COLEC10: variants seen among roughly 807,000 people sequenced by gnomAD.
COLEC10 encodes the protein collectin subfamily member 10, also known as collectin-10.
In COLEC10, 22 loss-of-function variants were observed where a neutral mutation model predicts 28.4. The observed-to-expected ratio is 0.78, with a 90% confidence interval of 0.55 to 1.11. COLEC10 has a LOEUF of 1.11. COLEC10 is among the 50% of genes least tolerant of loss of function. The probability of loss-of-function intolerance (pLI) is 0.00; values close to 1 mark genes in which losing one functional copy is unlikely to be tolerated. For synonymous variants in COLEC10, 125 were observed against 116.1 expected (o/e 1.08, Z -0.49); for missense variants, 361 against 344.1 (o/e 1.05, Z -0.39).
chr8:118,987,698 T>A, the COLEC10 span, among the ~76,000 whole-genome samples: 1 of 152,296 alleles, frequency 6.6e-6, no homozygotes, highest in South Asian at 2.1e-4. Flanking sequence ...ACCACTATCA[T>A]TCATGTGAAT....
intron 2 of COLEC10, among the ~76,000 whole-genome samples, chr8:119,038,222 C>T (rs777600116): frequency 6.6e-6 from 1 of 152,202 alleles, no homozygotes; most frequent in Non-Finnish European, 1.5e-5. Flanking sequence ...CCGTTTCTAG[C>T]ATGATAACCT....
chr8:118,968,433 C>T, the COLEC10 span, among the ~76,000 whole-genome samples: 1 of 151,866 alleles, frequency 6.6e-6, no homozygotes, highest in Non-Finnish European at 1.5e-5. Context: ...CTCTGATTTG[C>T]CATAGAACTC....
At chr8:118,968,700 T>G in the COLEC10 span, among the ~76,000 whole-genome samples, 3 of 151,922 alleles carry the variant, frequency 2.0e-5, no homozygotes, top group Non-Finnish European at 4.4e-5. Context: ...GGTATACATG[T>G]GCCATGGTGG....
the COLEC10 span, among the ~76,000 whole-genome samples, chr8:118,958,923 G>A: frequency 6.6e-6 from 1 of 152,168 alleles, no homozygotes; most frequent in Non-Finnish European, 1.5e-5. Context: ...CAACAGCTCA[G>A]ATCTCAAGGC....
the COLEC10 span, among the ~76,000 whole-genome samples, chr8:118,972,218 G>A: frequency 4.6e-5 from 7 of 151,956 alleles, no homozygotes; most frequent in Admixed American, 1.3e-4. Context: ...TCATTTATTC[G>A]TGTAACTTCA....
chr8:118,999,094 T>A (rs1460604508), intron 1 of COLEC10, among the ~76,000 whole-genome samples: 1 of 152,150 alleles, frequency 6.6e-6, no homozygotes, highest in East Asian at 1.9e-4. Context: ...CAGTATGAGA[T>A]ATGCAAGGTA....
Position 119,089,757 on chromosome 8 carries a change from TA to T in COLEC10, c.220+10del. The T allele has an allele frequency of 6.2e-7, 1 of 1,609,682 alleles. No homozygotes were observed. Among genetic ancestry groups the T allele is most frequent in the Non-Finnish European group, 8.5e-7 (1 of 1,176,178 alleles). On this transcript the variant is annotated splice_region_variant and intron_variant, in intron 2 of 5. Transcript: ENST00000332843. ...GGGACGCATGGGGCCGAAAGGTAAC[TA>T]AAATGATGTGAAACTGACATTTTAA... is the stretch of plus-strand genomic sequence containing the variant.
the COLEC10 span, among the ~76,000 whole-genome samples, chr8:118,959,117 TGTG>T: frequency 6.6e-6 from 1 of 152,138 alleles, no homozygotes; most frequent in Non-Finnish European, 1.5e-5. Flanking sequence ...GGTTGTTAGA[TGTG>T]GGGAGATGAA....
intron 1 of COLEC10, among the ~76,000 whole-genome samples, chr8:119,076,937 G>C (rs777459458): frequency 2.0e-5 from 3 of 152,186 alleles, no homozygotes; most frequent in Admixed American, 6.5e-5. Flanking sequence ...AGCTCCCAAA[G>C]AAATGTGCGT....
intron 1 of COLEC10, chr8:119,009,387 C>G (rs80325566): frequency 0.045 from 6,803 of 150,458 alleles, 419 homozygotes; most frequent in East Asian, 0.16. Context: ...TTTCACCTCC[C>G]CATGAGAGCT....
chr8:119,024,320 GAAA>G (rs201909949), intron 2 of COLEC10, among the ~76,000 whole-genome samples: 1 of 151,942 alleles, frequency 6.6e-6, no homozygotes, highest in Non-Finnish European at 1.5e-5. Context: ...AATAAAATAG[GAAA>G]AAAACGTACT....
intron 3 of COLEC10, among the ~76,000 whole-genome samples, chr8:119,093,356 G>A (rs1815649666): frequency 6.6e-6 from 1 of 152,198 alleles, no homozygotes; most frequent in African/African-American, 2.4e-5. Context: ...GGGATGAAGG[G>A]CAGTGCCACT....
At chr8:119,094,641 G>A (rs1815674660) in intron 3 of COLEC10, among the ~76,000 whole-genome samples, 1 of 152,138 alleles carries the variant, frequency 6.6e-6, no homozygotes, top group South Asian at 2.1e-4. Context: ...CATAAGTGGG[G>A]CAGCCCTAAG....
At position 119,067,286 on chromosome 8, in the gene COLEC10, A is replaced by G; in HGVS notation, c.5A>G (p.Asn2Ser). 1 of 1,613,760 alleles carries G rather than the reference A, an allele frequency of 6.2e-7. No individual in the cohort carries two copies. M[N>S]GFASLLRRNQ... ...CTTTTCTGAGGAACCACAGCAATGA[A>G]TGGCTTTGCATCCTTGCTTCGAAGA... Residue 2 changes from asparagine (N) to serine (S), a missense_variant, in exon 1 of 6, where the codon AAT becomes AGT. Asn to Ser is a conservative substitution (Grantham distance 46, BLOSUM62 1). Transcript: ENST00000332843.
At chr8:119,030,705 A>G (rs1300765408) in intron 2 of COLEC10, among the ~76,000 whole-genome samples, 2 of 152,208 alleles carry the variant, frequency 1.3e-5, no homozygotes, top group African/African-American at 2.4e-5. Context: ...GCTTAGAATA[A>G]CACTTGACAC....
Position 119,106,232 on chromosome 8 carries a change from C to A in COLEC10, c.*41C>A. 6.4e-7 allele frequency: 1 copy of A among 1,550,998 alleles called. No individual in the cohort carries two copies. The highest frequency in any genetic ancestry group is 1.2e-5 in the South Asian group (1 of 82,020). The stretch of plus-strand genomic sequence containing the variant: ...GTATTTGCTATTTTCCTGTGACCGT[C>A]ATTACAGTTATTGTTATCCATCCTT... On this transcript the variant is annotated 3_prime_UTR_variant, in exon 6 of 6. Coordinates refer to ENST00000332843, the MANE Select transcript of COLEC10 (RefSeq NM_006438.5).
chr8:118,996,944 C>T (rs553582078), intron 1 of COLEC10, among the ~76,000 whole-genome samples: 1 of 152,298 alleles, frequency 6.6e-6, no homozygotes, highest in South Asian at 2.1e-4. Flanking sequence ...TGAGAACTCA[C>T]TCATTACCAC....
chr8:118,980,628 A>G, the COLEC10 span, among the ~76,000 whole-genome samples: 3 of 152,002 alleles, frequency 2.0e-5, no homozygotes, highest in East Asian at 5.8e-4. Context: ...TTTTGCTTCT[A>G]CTCAGGTGAT....
the COLEC10 span, among the ~76,000 whole-genome samples, chr8:118,986,625 A>G: frequency 6.6e-6 from 1 of 152,222 alleles, no homozygotes; most frequent in African/African-American, 2.4e-5. Flanking sequence ...GCCAAAATGT[A>G]GAAACAACTC....
Sources: allele counts gnomAD v4.1 joint callset (sites outside exome capture counted in the v4.1 genomes callset), GRCh38; gene constraint gnomAD v4.1.1; transcripts MANE v1.5; gene names NCBI Gene and HGNC (gene_info 2026-07-23, HGNC 2026-07-21).